Variants in PRDM15 observed in about 807,000 individuals in gnomAD.
PRDM15 encodes the protein PR/SET domain 15, also known as PR domain zinc finger protein 15.
Under a neutral mutation model 128.6 loss-of-function variants are expected in PRDM15, and 64 were observed. That is an observed-to-expected ratio of 0.50 (90% CI 0.41 to 0.61). The LOEUF is 0.61. Ranked by LOEUF, PRDM15 falls within the 20% of genes least tolerant of loss-of-function variation. The pLI is 0.00. For synonymous variants in PRDM15, 615 were observed against 621.8 expected (o/e 0.99, Z 0.16); for missense variants, 1,242 against 1,569.1 (o/e 0.79, Z 3.52).
chr21:41,821,283 C>T lies in PRDM15; in HGVS notation c.1897-53G>A. ...TGACACCCGCATGAGGTCCCTGGTCCTCTTAGCTAATGAGGTCGTGTCCAC... is the reference window on the plus strand; with the variant it reads ...TGACACCCGCATGAGGTCCCTGGTCTTCTTAGCTAATGAGGTCGTGTCCAC... On this transcript the variant is annotated intron_variant, in intron 15 of 23. Transcript: ENST00000398548. This position sits in a 1 kb window ranked among gnomAD's most constrained non-coding sequence, Gnocchi z 5.4. 1 of 1,606,460 alleles carries T rather than the reference C, an allele frequency of 6.2e-7. No individual in the cohort carries two copies. Among genetic ancestry groups the T allele is most frequent in the African/African-American group, 1.3e-5 (1 of 74,890 alleles).
intron 6 of PRDM15, among the ~76,000 whole-genome samples, chr21:41,842,515 C>A (rs942621087): frequency 6.6e-6 from 1 of 152,206 alleles, no homozygotes; most frequent in African/African-American, 2.4e-5. Context: ...GTTTTTGAGA[C>A]GGAGTCTCGC....
chr21:41,845,914 G>T (rs983282729), intron 6 of PRDM15, among the ~76,000 whole-genome samples: 1 of 152,160 alleles, frequency 6.6e-6, no homozygotes, highest in South Asian at 2.1e-4. Flanking sequence ...GGGTCTCCAT[G>T]AGGTCCGGGG....
intron 6 of PRDM15, among the ~76,000 whole-genome samples, chr21:41,846,829 T>A (rs2063280242): frequency 6.6e-6 from 1 of 151,536 alleles, no homozygotes; most frequent in Non-Finnish European, 1.5e-5. Flanking sequence ...TGCTCCAGAG[T>A]CAAGGCGCCC....
chr21:41,859,538 G>T lies in PRDM15; in HGVS notation c.131+54C>A. 1 of 1,445,972 alleles carries T rather than the reference G, an allele frequency of 6.9e-7. No individual in the cohort carries two copies. The highest frequency in any genetic ancestry group is 9.7e-7 in the Non-Finnish European group (1 of 1,034,720). The allele number at this position is 1,445,972 out of a possible 1,614,324, so 89.6% of individuals were successfully genotyped here. A position where few individuals can be genotyped will look rare whatever the true frequency, so the allele number is the denominator to read the frequency against. The stretch of plus-strand genomic sequence containing the variant: ...CGTCTGCAGACCCAAAGGCCACTAG[G>T]CTCCTGCCGCAGCTGGCATATGGAA... On this transcript the variant is annotated intron_variant, in intron 3 of 23. Coordinates refer to ENST00000398548, the MANE Select transcript of PRDM15 (RefSeq NM_001040424.3). This position sits in a 1 kb window ranked among gnomAD's most constrained non-coding sequence, Gnocchi z 5.3.
chr21:41,863,186 A>AG (rs2145939839), intron 1 of PRDM15: 2 of 151,846 alleles, frequency 1.3e-5, no homozygotes, highest in African/African-American at 4.8e-5. Flanking sequence ...AAAAAAAAAA[A>AG]AAAGTGTGAG....
chr21:41,857,207 T>C lies in PRDM15; in HGVS notation c.254A>G (p.Lys85Arg), dbSNP rs763006332. 5.6e-6 allele frequency: 9 copies of C among 1,613,614 alleles called. No individual in the cohort carries two copies. Among genetic ancestry groups the C allele is most frequent in the Admixed American group, 1.7e-5 (1 of 59,988 alleles). Reference protein sequence around the residue: ...FGPFESRRVAKWEKESAFPLK... With the variant: ...FGPFESRRVARWEKESAFPLK... ...GGGAAATGCAGACTCCTTTTCCCAT[T>C]TGGCGACCCTCCTGGACTCAAAGGG... Residue 85 changes from lysine to arginine, a missense_variant, in exon 4 of 24, where the codon AAA becomes AGA. Physicochemically the swap from Lys to Arg is conservative, Grantham distance 26. Around this residue, in one of 3 missense-constraint regions of PRDM15, gnomAD observed 612 missense variants for 717.0 expected, o/e 0.85. Transcript: ENST00000398548.
chr21:41,843,422 C>T (rs2063135702), intron 6 of PRDM15, among the ~76,000 whole-genome samples: 1 of 152,182 alleles, frequency 6.6e-6, no homozygotes, highest in Non-Finnish European at 1.5e-5. Flanking sequence ...TGGGCATTCC[C>T]TTTGCTCCTT....
Position 41,839,833 on chromosome 21 carries a change from C to T in PRDM15, c.661G>A (p.Glu221Lys), listed in dbSNP as rs773332125. The T allele has an allele frequency of 1.9e-6, 3 of 1,614,226 alleles. No homozygotes were observed. Among genetic ancestry groups the T allele is most frequent in the Admixed American group, 3.3e-5 (2 of 60,030 alleles). ...LLNEHLLGHL[E>K]QAKSLPPGSQ... ...CCTGGAGGAAGGCTTTTGGCTTGTT[C>T]TAAGTGGCCCAACAGATGTTCTGCA... is the stretch of plus-strand genomic sequence containing the variant. Residue 221 changes from glutamate (E) to lysine (K), a missense_variant, in exon 7 of 24, where the codon GAA becomes AAA. Glu to Lys is a moderately conservative substitution (Grantham distance 56). Around this residue, in one of 3 missense-constraint regions of PRDM15, gnomAD observed 612 missense variants for 717.0 expected, o/e 0.85. Transcript: ENST00000398548.
intron 11 of PRDM15, chr21:41,834,592 A>G: frequency 6.5e-7 from 1 of 1,536,240 alleles, no homozygotes; most frequent in South Asian, 1.2e-5. Flanking sequence ...CAAAGGCAAC[A>G]GTGACTCACC....
At chr21:41,806,409 C>T (rs138574010) in intron 21 of PRDM15, among the ~76,000 whole-genome samples, 8 of 26,394 alleles carry the variant, frequency 3.0e-4, no homozygotes, top group Non-Finnish European at 6.9e-4. Context: ...ACCACCACCA[C>T]CATCACCACC....
intron 12 of PRDM15, among the ~76,000 whole-genome samples, chr21:41,827,775 T>G (rs1245151413): frequency 1.3e-5 from 2 of 152,226 alleles, no homozygotes. Flanking sequence ...TCTTAGTTGC[T>G]CTTATACTGG....
In PRDM15 at chr21:41,832,220, T is replaced by A. The variant is rs922982653; in HGVS notation, c.1366+3217A>T. Among the ~76,000 whole-genome samples the A allele has an allele frequency of 7.9e-5, 12 of 152,236 alleles. No homozygotes were observed. The highest frequency in any genetic ancestry group is 1.2e-4 in the African/African-American group (5 of 41,458). ...ATCTTTAGTAATGCAGATTTTTTTC[T>A]TCTGTCAAATCTCTTTATCATGAAT... On this transcript the variant is annotated intron_variant, in intron 11 of 23. Coordinates refer to ENST00000398548, the MANE Select transcript of PRDM15 (RefSeq NM_001040424.3). This position sits in a 1 kb window ranked among gnomAD's most constrained non-coding sequence, Gnocchi z 4.2.
chr21:41,804,856 C>T (rs2061513372), intron 21 of PRDM15: 3 of 374,916 alleles, frequency 8.0e-6, no homozygotes, highest in Non-Finnish European at 1.4e-5. Flanking sequence ...TATCATCTCA[C>T]GTCCACTCCC....
chr21:41,869,963 C>G (rs2064154520), intron 1 of PRDM15, among the ~76,000 whole-genome samples: 1 of 152,222 alleles, frequency 6.6e-6, no homozygotes, highest in Non-Finnish European at 1.5e-5. Context: ...CTGATCTCTC[C>G]AGCAGCACCA....
At chr21:41,803,310 C>T (rs1036029024) in intron 22 of PRDM15, among the ~76,000 whole-genome samples, 2 of 152,174 alleles carry the variant, frequency 1.3e-5, no homozygotes, top group Non-Finnish European at 2.9e-5. Context: ...AGGGCTGAGA[C>T]GAATCCACCA....
At chr21:41,805,617 G>C (rs2061536398) in intron 21 of PRDM15, among the ~76,000 whole-genome samples, 1 of 152,032 alleles carries the variant, frequency 6.6e-6, no homozygotes, top group Non-Finnish European at 1.5e-5. Context: ...AACTCTCATT[G>C]ACACTGAGCA....
chr21:41,826,184 G>T, intron 12 of PRDM15, 130 bp from the exon 13 acceptor site: 1 of 681,592 alleles, frequency 1.5e-6, no homozygotes, highest in Non-Finnish European at 2.6e-6. Context: ...GGGGACAGAA[G>T]CGTGGCAGTT....
Position 41,857,889 on chromosome 21 carries a change from G to A in PRDM15, c.132-560C>T, listed in dbSNP as rs114736792. 2.2e-3 allele frequency among the ~76,000 whole-genome samples: 342 copies of A among 152,356 alleles called. 3 individuals carry two copies. The highest frequency in any genetic ancestry group is 8.0e-3 in the African/African-American group (331 of 41,582). On this transcript the variant is annotated intron_variant, in intron 3 of 23. Coordinates refer to ENST00000398548, the MANE Select transcript of PRDM15 (RefSeq NM_001040424.3). ...CTTGTGGCCTTAGCTACACAAGGCCGACCACAGGGCCCTGGTGAGATTCAC... is the reference window on the plus strand; with the variant it reads ...CTTGTGGCCTTAGCTACACAAGGCCAACCACAGGGCCCTGGTGAGATTCAC...
rs940505025 is a variant in PRDM15 at position 41,857,441 on chromosome 21, A to C, written c.132-112T>G. 3.5e-6 allele frequency: 4 copies of C among 1,155,840 alleles called. No individual in the cohort carries two copies. The African/African-American group carries it at 6.2e-5, about 18-fold the overall frequency. The allele number at this position is 1,155,840 out of a possible 1,614,324, so 71.6% of individuals were successfully genotyped here. A position where few individuals can be genotyped will look rare whatever the true frequency, so the allele number is the denominator to read the frequency against. On this transcript the variant is annotated intron_variant, in intron 3 of 23. Coordinates refer to ENST00000398548, the MANE Select transcript of PRDM15 (RefSeq NM_001040424.3). ...TGACCGCCAGGGTTCTTCGGAAATAAAATTCTCCAGGTGATAAAATAGAAG... is the reference window on the plus strand; with the variant it reads ...TGACCGCCAGGGTTCTTCGGAAATACAATTCTCCAGGTGATAAAATAGAAG...
Sources: gnomAD v4.1 joint callset for allele counts (sites outside exome capture counted in the v4.1 genomes callset) on GRCh38, gnomAD v4.1.1 for gene constraint, gnomAD v4.1.1 regional missense constraint, Gnocchi (gnomAD v3.1) non-coding constraint, MANE v1.5 for transcripts, NCBI Gene and HGNC (gene_info 2026-07-23, HGNC 2026-07-21) for gene names.